TTC39B: variants seen among roughly 807,000 people sequenced by gnomAD.
TTC39B encodes tetratricopeptide repeat protein 39B.
TTC39B carries 92 observed loss-of-function variants against 96.6 expected under a neutral mutation model. The observed-to-expected ratio is 0.95, with a 90% CI of 0.80 to 1.13. TTC39B has a LOEUF of 1.13. TTC39B is among the 50% of genes most tolerant of loss of function. The pLI, the probability that TTC39B is intolerant of heterozygous loss-of-function variation, is 0.00. For missense variants in TTC39B, 955 were observed against 809.3 expected, an observed-to-expected ratio of 1.18 and a Z score of -2.18; for synonymous variants, 367 against 299.4, an observed-to-expected ratio of 1.23 and a Z score of -2.33.
chr9:15,209,964 T>G, intron 6 of TTC39B, 124 bp downstream of exon 6: 1 of 693,092 alleles, frequency 1.4e-6, no homozygotes, highest in Non-Finnish European at 2.5e-6. Flanking sequence ...TTCCAGAGGG[T>G]GAGTATGATA....
At chr9:15,250,211 A>T in intron 2 of TTC39B, 5 of 1,128,482 alleles carry the variant, frequency 4.4e-6, no homozygotes, top group East Asian at 7.0e-5. Flanking sequence ...GCTGTAGCGG[A>T]TGCTTCTGCA....
At chr9:15,299,585 G>GA (rs754804217) in intron 1 of TTC39B, among the ~76,000 whole-genome samples, 1 of 152,066 alleles carries the variant, frequency 6.6e-6, no homozygotes, top group Non-Finnish European at 1.5e-5. Flanking sequence ...CTCAAAAAAG[G>GA]AAAATCTCTC....
chr9:15,261,298 G>C (rs1822935983), intron 2 of TTC39B, among the ~76,000 whole-genome samples: 1 of 151,978 alleles, frequency 6.6e-6, no homozygotes, highest in Non-Finnish European at 1.5e-5. Flanking sequence ...GGGTAACATA[G>C]GGAGACTGCA....
At chr9:15,261,378 G>A (rs975746717) in intron 2 of TTC39B, among the ~76,000 whole-genome samples, 3 of 152,124 alleles carry the variant, frequency 2.0e-5, no homozygotes, top group African/African-American at 7.2e-5. Flanking sequence ...TGGGAGGCTA[G>A]GTGGGAGGAG....
chr9:15,201,168 A>G (rs985778334), intron 7 of TTC39B, among the ~76,000 whole-genome samples: 3 of 152,154 alleles, frequency 2.0e-5, no homozygotes, highest in South Asian at 2.1e-4. Flanking sequence ...ATGAAATTCA[A>G]TGTTTATCTT....
intron 1 of TTC39B, among the ~76,000 whole-genome samples, chr9:15,279,892 CTTTTT>C (rs1164750793): frequency 6.9e-5 from 7 of 101,846 alleles, no homozygotes; most frequent in Non-Finnish European, 1.1e-4. Flanking sequence ...TTTTTCTTTT[CTTTTT>C]TTTTTTTTTT....
intron 2 of TTC39B, among the ~76,000 whole-genome samples, chr9:15,227,128 G>T (rs989884404): frequency 2.6e-5 from 4 of 152,096 alleles, no homozygotes; most frequent in Non-Finnish European, 5.9e-5. Context: ...CCAACATGGT[G>T]AAACTCCGTC....
intron 2 of TTC39B, among the ~76,000 whole-genome samples, chr9:15,252,244 T>C (rs12004795): frequency 0.14 from 20,899 of 152,184 alleles, 1,498 homozygotes; most frequent in African/African-American, 0.17. Flanking sequence ...ATTAATTAAG[T>C]CCAGCTTCCA....
intron 1 of TTC39B, among the ~76,000 whole-genome samples, chr9:15,297,500 C>T (rs1393430235): frequency 6.6e-6 from 1 of 152,132 alleles, no homozygotes; most frequent in African/African-American, 2.4e-5. Context: ...TGACAGCCCT[C>T]TTCTCCTTGG....
rs181184075 is a variant in TTC39B at position 15,236,301 on chromosome 9, T to C, written c.276-10289A>G. On this transcript the variant is annotated intron_variant, in intron 2 of 19. Coordinates refer to ENST00000512701, the Ensembl canonical transcript of TTC39B. ...TTCTAAATATACATGCAACCAATAC[T>C]GGGGCACCCAGATTTATCAAACAAA... is the stretch of plus-strand genomic sequence containing the variant. Among the ~76,000 whole-genome samples the C allele has an allele frequency of 2.0e-5, 3 of 152,300 alleles. No individual in the cohort carries two copies. In the East Asian group the frequency reaches 5.8e-4, roughly 29 times the overall value.
chr9:15,261,319 A>G (rs1205075394), intron 2 of TTC39B, among the ~76,000 whole-genome samples: 1 of 152,064 alleles, frequency 6.6e-6, no homozygotes, highest in Non-Finnish European at 1.5e-5. Flanking sequence ...TCTCTACAAA[A>G]AATAAAATTA....
chr9:15,215,998 A>C (rs1460247474), intron 3 of TTC39B, among the ~76,000 whole-genome samples: 1 of 152,112 alleles, frequency 6.6e-6, no homozygotes, highest in Non-Finnish European at 1.5e-5. Context: ...CCCTTCAGTG[A>C]CTCTTCTAGC....
At chr9:15,198,429 C>T (rs1324654629) in intron 8 of TTC39B, among the ~76,000 whole-genome samples, 1 of 148,016 alleles carries the variant, frequency 6.8e-6, no homozygotes, top group African/African-American at 2.5e-5. Context: ...TGCACTCCAG[C>T]CTGGGCAACA....
chr9:15,185,152 C>T (rs1265378146), intron 16 of TTC39B, 128 bp downstream of exon 16: 7 of 1,203,908 alleles, frequency 5.8e-6, no homozygotes, highest in Non-Finnish European at 7.9e-6. Flanking sequence ...TAGAAATGTT[C>T]AACTTACAAC....
intron 1 of TTC39B, among the ~76,000 whole-genome samples, chr9:15,281,227 G>C (rs1354736353): frequency 2.0e-5 from 3 of 152,016 alleles, no homozygotes; most frequent in Admixed American, 1.3e-4. Flanking sequence ...CTTGGGCAAG[G>C]TACTTCTCTA....
At chr9:15,252,439 G>A (rs1486937774) in intron 2 of TTC39B, among the ~76,000 whole-genome samples, 1 of 152,162 alleles carries the variant, frequency 6.6e-6, no homozygotes. Context: ...ATGAGGTCAG[G>A]AGATCAAGAC....
chr9:15,281,032 T>C (rs1401305972), intron 1 of TTC39B, among the ~76,000 whole-genome samples: 2 of 152,178 alleles, frequency 1.3e-5, no homozygotes, highest in African/African-American at 4.8e-5. Flanking sequence ...TTTTGTCTTT[T>C]TTTTTGTTTA....
At chr9:15,245,446 T>C (rs1822232023) in intron 2 of TTC39B, among the ~76,000 whole-genome samples, 1 of 152,212 alleles carries the variant, frequency 6.6e-6, no homozygotes, top group Admixed American at 6.5e-5. Flanking sequence ...TTATTCAGCC[T>C]GTGGTATCAA....
At chr9:15,210,885 A>C (rs1311457657) in intron 5 of TTC39B, among the ~76,000 whole-genome samples, 1 of 152,230 alleles carries the variant, frequency 6.6e-6, no homozygotes, top group African/African-American at 2.4e-5. Context: ...AAAAGTGTTC[A>C]AAAACAGGTC....
Sources: allele counts gnomAD v4.1 joint callset (sites outside exome capture counted in the v4.1 genomes callset), GRCh38; gene constraint gnomAD v4.1.1; transcripts MANE v1.5; gene names NCBI Gene and HGNC (gene_info 2026-07-23, HGNC 2026-07-21).